The following CLDN2 variants were observed in gnomAD, a reference collection of about 807,000 sequenced individuals.
The protein encoded by CLDN2 is claudin-2.
A neutral mutation model predicts 8.2 loss-of-function variants in CLDN2; 1 was observed. That is an observed-to-expected ratio of 0.12 (90% CI 0.04 to 0.58). CLDN2 has a LOEUF of 0.58. Ranked by LOEUF, CLDN2 falls within the 20% of genes least tolerant of loss-of-function variation. CLDN2 has a pLI of 0.90. For missense variants in CLDN2, 108 were observed against 172.9 expected, an observed-to-expected ratio of 0.62 and a Z score of 2.11; for synonymous variants, 70 against 70.2, an observed-to-expected ratio of 1.00 and a Z score of 0.01.
At chrX:106,919,625 A>G (rs1460607208), upstream of CLDN2, among the ~76,000 whole-genome samples, 1 of 111,502 alleles carries the variant, frequency 9.0e-6, no homozygotes, top group East Asian at 2.8e-4. Flanking sequence ...CTGGGACTAC[A>G]GGTGCGCACC....
chrX:106,903,509 A>G (rs778563231), intron 1 of CLDN2, among the ~76,000 whole-genome samples: 1 of 111,874 alleles, frequency 8.9e-6, no homozygotes, highest in Non-Finnish European at 1.9e-5. Flanking sequence ...TTGAATAAAC[A>G]TGGTGTCAGT....
At chrX:106,900,184 T>A (rs1480610422) in exon 1 of CLDN2, 1 of 112,740 alleles carries the variant, frequency 8.9e-6, no homozygotes, top group East Asian at 2.8e-4. Context: ...GCCGATTCTC[T>A]ACACACTGCC....
chrX:106,928,198 C>G lies in CLDN2; in HGVS notation c.-31C>G. ...TTCAGCCTGAAGACAAGGGAGCAGT[C>G]CCTGAAGACGCTTCTACTGAGAGGT... On this transcript the variant is annotated 5_prime_UTR_variant, in exon 2 of 2. Coordinates refer to ENST00000336803, the MANE Select transcript of CLDN2 (RefSeq NM_020384.4). The G allele has an allele frequency of 1.8e-6, 2 of 1,114,493 alleles. No individual in the cohort carries two copies. The highest frequency in any genetic ancestry group is 3.9e-5 in the South Asian group (2 of 51,281). The allele number at this position is 1,114,493 out of a possible 1,213,427, so 91.8% of individuals were successfully genotyped here. A position where few individuals can be genotyped will look rare whatever the true frequency, so the allele number is the denominator to read the frequency against.
At chrX:106,921,085 C>T (rs890429139) in intron 1 of CLDN2, among the ~76,000 whole-genome samples, 2 of 112,405 alleles carry the variant, frequency 1.8e-5, no homozygotes, top group Admixed American at 9.4e-5. Context: ...TTACTCTCTT[C>T]AAGTGCCCTC....
chrX:106,907,252 C>T (rs757383363), intron 1 of CLDN2, among the ~76,000 whole-genome samples: 23 of 112,043 alleles, frequency 2.1e-4, no homozygotes, highest in Non-Finnish European at 3.0e-4. Flanking sequence ...TCCTCATGGT[C>T]TCTTTTGCTG....
Position 106,928,738 on chromosome X carries a change from T to A in CLDN2, c.510T>A (p.Ser170=), listed in dbSNP as rs1933504949. The stretch of plus-strand genomic sequence containing the variant: ...AGGCTCTTTACTTGGGCATTATTTC[T>A]TCCCTGTTCTCCCTGATAGCTGGAA... ...IGEALYLGII[S]SLFSLIAGII... The change falls in exon 2 of 2, where the codon TCT becomes TCA. Residue 170 remains serine, a synonymous_variant. Coordinates refer to ENST00000336803, the MANE Select transcript of CLDN2 (RefSeq NM_020384.4). The A allele has an allele frequency of 4.1e-6, 5 of 1,211,408 alleles. No individual in the cohort carries two copies. The East Asian group carries it at 1.5e-4, about 36-fold the overall frequency.
chrX:106,901,825 G>T (rs1933101992), intron 1 of CLDN2, among the ~76,000 whole-genome samples: 1 of 111,545 alleles, frequency 9.0e-6, no homozygotes, highest in South Asian at 3.8e-4. Context: ...CAAAGATTCA[G>T]GGAGATCGGG....
chrX:106,928,248 A>C lies in CLDN2; in HGVS notation c.20A>C (p.Gln7Pro). Residue 7 changes from glutamine to proline, a missense_variant, in exon 2 of 2, where the codon CAA (glutamine) becomes CCA (proline). Transcript: ENST00000336803. ...TCTGCCATGGCCTCTCTTGGCCTCC[A>C]ACTTGTGGGCTACATCCTAGGCCTT... Reference protein sequence around the residue: MASLGLQLVGYILGLLG... With the variant: MASLGLPLVGYILGLLG... 1 of 1,210,803 alleles carries C rather than the reference A, an allele frequency of 8.3e-7. No homozygotes were observed. The highest frequency in any genetic ancestry group is 1.1e-6 in the Non-Finnish European group (1 of 894,766).
At chrX:106,916,946 A>G (rs1933318650), upstream of CLDN2, among the ~76,000 whole-genome samples, 1 of 111,988 alleles carries the variant, frequency 8.9e-6, no homozygotes, top group African/African-American at 3.2e-5. Context: ...GCTACTTGGA[A>G]GGCTAAGGCA....
At chrX:106,911,510 A>C (rs1412273373) in intron 1 of CLDN2, among the ~76,000 whole-genome samples, 1 of 110,712 alleles carries the variant, frequency 9.0e-6, no homozygotes, top group Non-Finnish European at 1.9e-5. Flanking sequence ...CAAGACTAGA[A>C]CACCACTCTT....
At chrX:106,913,873 C>T (rs1201486388), upstream of CLDN2, among the ~76,000 whole-genome samples, 1 of 109,940 alleles carries the variant, frequency 9.1e-6, no homozygotes, top group Non-Finnish European at 1.9e-5. Context: ...CAGCTCTCTC[C>T]ATTTGGAAAC....
chrX:106,918,104 C>T (rs968350457), upstream of CLDN2, among the ~76,000 whole-genome samples: 11 of 112,348 alleles, frequency 9.8e-5, no homozygotes, highest in African/African-American at 3.6e-4. Context: ...CTTTTCCTAT[C>T]CTCAATTGCA....
upstream of CLDN2, among the ~76,000 whole-genome samples, chrX:106,920,027 A>G (rs1253455179): frequency 8.9e-6 from 1 of 111,966 alleles, no homozygotes; most frequent in Non-Finnish European, 1.9e-5. Context: ...ATGGAGCTGC[A>G]GGCCATGCAG....
At chrX:106,917,854 C>T (rs770089342), upstream of CLDN2, among the ~76,000 whole-genome samples, 2 of 111,292 alleles carry the variant, frequency 1.8e-5, no homozygotes, top group Non-Finnish European at 3.8e-5. Context: ...TCTCCATTCC[C>T]GCACCCATCT....
intron 1 of CLDN2, among the ~76,000 whole-genome samples, chrX:106,927,606 C>T (rs1386089797): frequency 8.9e-6 from 1 of 112,087 alleles, no homozygotes; most frequent in African/African-American, 3.2e-5. Context: ...TAGGCCACTA[C>T]TCTCTAGGCC....
At chrX:106,920,312 T>C (rs1431171670), upstream of CLDN2, 1 of 109,138 alleles carries the variant, frequency 9.2e-6, no homozygotes, top group Non-Finnish European at 1.9e-5. Flanking sequence ...CAAACCTTTT[T>C]TTTTTTTTTT....
chrX:106,905,562 A>G (rs1300714361), intron 1 of CLDN2, among the ~76,000 whole-genome samples: 3 of 111,535 alleles, frequency 2.7e-5, no homozygotes, highest in Non-Finnish European at 3.8e-5. Context: ...TGTGGCTCAG[A>G]GAGGGAGCCA....
intron 1 of CLDN2, among the ~76,000 whole-genome samples, chrX:106,912,352 G>T (rs1310896682): frequency 2.7e-5 from 3 of 109,104 alleles, no homozygotes. Context: ...TTGTCATGAG[G>T]AAAAGCACTT....
chrX:106,920,949 C>A (rs1400625225), intron 1 of CLDN2, among the ~76,000 whole-genome samples: 1 of 111,518 alleles, frequency 9.0e-6, no homozygotes, highest in Non-Finnish European at 1.9e-5. Flanking sequence ...GGCATGAAGG[C>A]TCAGGGAGGT....
Sources: gnomAD v4.1 joint callset for allele counts (sites outside exome capture counted in the v4.1 genomes callset) on GRCh38, gnomAD v4.1.1 for gene constraint, MANE v1.5 for transcripts, NCBI Gene and HGNC (gene_info 2026-07-23, HGNC 2026-07-21) for gene names.